Variants in CCAR1 observed in about 807,000 individuals in gnomAD.
The protein encoded by CCAR1 is cell division cycle and apoptosis regulator 1, also known as cell division cycle and apoptosis regulator protein 1.
CCAR1 carries 78 observed loss-of-function variants against 163.8 expected under a neutral mutation model. The observed-to-expected ratio is 0.48, with a 90% CI of 0.40 to 0.57. CCAR1 has a LOEUF of 0.57. Among genes scored for constraint, CCAR1 ranks in the 20% least tolerant of loss-of-function variants. The pLI is 0.00. For missense variants in CCAR1, 1,019 were observed against 1,365.2 expected (o/e 0.75, Z 4.00); for synonymous variants, 443 against 460.7 (o/e 0.96, Z 0.49).
In CCAR1 at chr10:68,749,613, A is replaced by G; in HGVS notation, c.1046A>G (p.Glu349Gly). Residue 349 changes from glutamate to glycine, a missense_variant, in exon 10 of 25, where the codon GAG becomes GGG. Physicochemically the swap from Glu to Gly is moderately conservative, Grantham distance 98. This residue lies in a region of CCAR1 where 644 missense variants were observed against 904.4 expected (regional missense o/e 0.71). Transcript: ENST00000265872. ...GAAAGATCTCCACGAAGAGAGCGAG[A>G]GCGATCACCTCGGAGAGTTCGACGT... ...SRERSPRRER[E>G]RSPRRVRRVV... 6.2e-7 allele frequency: 1 copy of G among 1,614,030 alleles called. No homozygotes were observed. Among genetic ancestry groups the G allele is most frequent in the Non-Finnish European group, 8.5e-7 (1 of 1,179,898 alleles).
chr10:68,744,842 T>C (rs2056231135), intron 6 of CCAR1, among the ~76,000 whole-genome samples: 3 of 151,782 alleles, frequency 2.0e-5, no homozygotes, highest in Admixed American at 2.0e-4. Flanking sequence ...TCTTTTTTTT[T>C]TTTTTCTTTT....
chr10:68,773,885 A>T (rs1166561713), intron 19 of CCAR1, among the ~76,000 whole-genome samples: 1 of 151,176 alleles, frequency 6.6e-6, no homozygotes, highest in East Asian at 2.0e-4. Flanking sequence ...GCTAATTTTT[A>T]AATTTTTTTT....
chr10:68,783,045 C>A (rs981761710), intron 19 of CCAR1, among the ~76,000 whole-genome samples: 2 of 144,172 alleles, frequency 1.4e-5, no homozygotes, highest in African/African-American at 5.2e-5. Context: ...CTCTGTCATG[C>A]AGGCTGGAAT....
intron 6 of CCAR1, among the ~76,000 whole-genome samples, chr10:68,743,082 G>T (rs144750011): frequency 6.6e-6 from 1 of 151,954 alleles, no homozygotes; most frequent in Non-Finnish European, 1.5e-5. Context: ...ACAGGCATGC[G>T]CCAGCACGCC....
chr10:68,766,409 G>A (rs184564182), intron 17 of CCAR1, among the ~76,000 whole-genome samples: 3 of 151,782 alleles, frequency 2.0e-5, no homozygotes, highest in African/African-American at 7.2e-5. Context: ...CACCATGTTG[G>A]CCAGCCTGGT....
At chr10:68,750,478 C>T (rs2056317400) in intron 10 of CCAR1, among the ~76,000 whole-genome samples, 1 of 152,020 alleles carries the variant, frequency 6.6e-6, no homozygotes, top group Non-Finnish European at 1.5e-5. Context: ...ACCTGCCTGG[C>T]CCTCCCAAAG....
Position 68,762,679 on chromosome 10 carries a change from A to C in CCAR1, c.2106+1487A>C, listed in dbSNP as rs115753069. Among the ~76,000 whole-genome samples, 779 of 152,372 alleles carry C rather than the reference A, an allele frequency of 5.1e-3. 5 individuals are homozygous for C. The highest frequency in any genetic ancestry group is 0.018 in the African/African-American group (746 of 41,590). ...TCATTATTTATGAAGAATTACTTCC[A>C]GAAATGTTTGCTCTAAATCTGATTG... On this transcript the variant is annotated intron_variant, in intron 16 of 24. Transcript: ENST00000265872.
chr10:68,786,811 G>T lies in CCAR1; in HGVS notation c.2880+119G>T, dbSNP rs1050530001. ...TATTAAAGCAATATAAGGGCCAGGC[G>T]TGGTGGCTCACACCTATAATCCCAG... is the stretch of plus-strand genomic sequence containing the variant. On this transcript the variant is annotated intron_variant, in intron 21 of 24. Transcript: ENST00000265872. The T allele has an allele frequency of 8.9e-5, 74 of 828,008 alleles. No individual in the cohort carries two copies. The African/African-American group carries it at 1.3e-3, about 14-fold the overall frequency. 51.3% of individuals were successfully genotyped at this position (828,008 alleles called of 1,614,324 possible). A position where few individuals can be genotyped will look rare whatever the true frequency, so the allele number is the denominator to read the frequency against.
chr10:68,745,912 G>C (rs1350521065), intron 6 of CCAR1, among the ~76,000 whole-genome samples: 2 of 152,056 alleles, frequency 1.3e-5, no homozygotes, highest in Non-Finnish European at 2.9e-5. Flanking sequence ...TATGGCGTTA[G>C]AGGCATGAAC....
chr10:68,749,683 T>A lies in CCAR1; in HGVS notation c.1116T>A (p.Asp372Glu), dbSNP rs1171204580. The A allele has an allele frequency of 6.2e-7, 1 of 1,602,958 alleles. No homozygotes were observed. Among genetic ancestry groups the A allele is most frequent in the Non-Finnish European group, 8.5e-7 (1 of 1,171,634 alleles). Residue 372 changes from aspartate (D) to glutamate (E), a missense_variant and splice_region_variant, in exon 10 of 25, where the codon GAT becomes GAA. Coordinates refer to ENST00000265872, the MANE Select transcript of CCAR1 (RefSeq NM_018237.4). Reference sequence around the variant, plus strand: ...TTCAGTTTTCAAAGTTTTCTTTAGATTGGTAGGTTATTCCCCACCCATTGT... The same window carrying A: ...TTCAGTTTTCAAAGTTTTCTTTAGAATGGTAGGTTATTCCCCACCCATTGT... ...YTVQFSKFSL[D>E]CPSCDMMELR...
intron 19 of CCAR1, among the ~76,000 whole-genome samples, chr10:68,775,689 T>A (rs2056657649): frequency 1.2e-4 from 1 of 8,342 alleles, no homozygotes; most frequent in Non-Finnish European, 3.5e-4. Context: ...TTTCTTTTCT[T>A]TTTTTTTTTT....
chr10:68,751,736 C>T (rs1406337580), intron 10 of CCAR1, among the ~76,000 whole-genome samples: 2 of 151,406 alleles, frequency 1.3e-5, no homozygotes, highest in Admixed American at 6.6e-5. Context: ...TGGTAGTGTG[C>T]GCCTGTAATC....
intron 24 of CCAR1, 60 bp downstream of exon 24, chr10:68,789,975 T>A: frequency 1.0e-6 from 1 of 985,830 alleles, no homozygotes; most frequent in East Asian, 2.5e-5. Context: ...CTGGTGTTTT[T>A]AATGTATTTT....
intron 2 of CCAR1, among the ~76,000 whole-genome samples, chr10:68,736,633 A>G (rs1238097748): frequency 6.6e-6 from 1 of 152,152 alleles, no homozygotes; most frequent in Non-Finnish European, 1.5e-5. Context: ...CAAGGTTCAT[A>G]CGTGGTGCAA....
intron 16 of CCAR1, among the ~76,000 whole-genome samples, chr10:68,764,795 A>G (rs376980333): frequency 2.6e-5 from 4 of 152,094 alleles, no homozygotes; most frequent in African/African-American, 9.7e-5. Flanking sequence ...CTCTTGTAAC[A>G]TTTTCTTTTA....
intron 19 of CCAR1, among the ~76,000 whole-genome samples, chr10:68,783,395 G>A (rs1466802248): frequency 3.3e-5 from 5 of 151,670 alleles, no homozygotes; most frequent in Admixed American, 1.3e-4. Flanking sequence ...GGATGGTCTC[G>A]ATCTCCTGAC....
At chr10:68,755,733 C>A (rs1024557507) in intron 13 of CCAR1, among the ~76,000 whole-genome samples, 197 bp downstream of exon 13, 5 of 152,100 alleles carry the variant, frequency 3.3e-5, no homozygotes, top group African/African-American at 7.2e-5. Context: ...AAGAACTAAT[C>A]AAAATAAACT....
At position 68,763,776 on chromosome 10, in the gene CCAR1, G is replaced by T. The variant is rs561327991; in HGVS notation, c.2107-2112G>T. ...AATGAGTTATTTTCGTGATGAAATTGTCCCAGAGTTGGACGGTGGGAGTTC... is the reference window on the plus strand; with the variant it reads ...AATGAGTTATTTTCGTGATGAAATTTTCCCAGAGTTGGACGGTGGGAGTTC... On this transcript the variant is annotated intron_variant, in intron 16 of 24. Coordinates refer to ENST00000265872, the MANE Select transcript of CCAR1 (RefSeq NM_018237.4). Among the ~76,000 whole-genome samples, 4 of 152,282 alleles carry T rather than the reference G, an allele frequency of 2.6e-5. No individual in the cohort carries two copies. In the South Asian group the frequency reaches 8.3e-4, roughly 32 times the overall value.
chr10:68,769,520 T>C (rs1304474738), intron 17 of CCAR1, among the ~76,000 whole-genome samples: 1 of 152,078 alleles, frequency 6.6e-6, no homozygotes, highest in East Asian at 1.9e-4. Context: ...CTCGGGAGGC[T>C]GAGGCAGGAG....
Sources: gnomAD v4.1 joint callset for allele counts (sites outside exome capture counted in the v4.1 genomes callset) on GRCh38, gnomAD v4.1.1 for gene constraint, gnomAD v4.1.1 regional missense constraint, MANE v1.5 for transcripts, NCBI Gene and HGNC (gene_info 2026-07-23, HGNC 2026-07-21) for gene names.